Variants in SLC26A11 observed in about 807,000 individuals in gnomAD.
SLC26A11 encodes the protein sodium-independent sulfate anion transporter.
SLC26A11 carries 58 observed loss-of-function variants against 62.2 expected under a neutral mutation model. That is an observed-to-expected ratio of 0.93 (90% CI 0.76 to 1.16). The LOEUF is 1.16. Among genes scored for constraint, SLC26A11 ranks in the 50% most tolerant of loss-of-function variants. The probability of loss-of-function intolerance (pLI) is 0.00; values close to 1 mark genes in which losing one functional copy is unlikely to be tolerated. For missense variants in SLC26A11, 790 were observed against 794.3 expected (o/e 0.99, Z 0.06); for synonymous variants, 411 against 368.9 (o/e 1.11, Z -1.31).
chr17:80,238,811 G>GGTTTTTTTTTTTTTTTTTTT (rs1555629117), intron 9 of SLC26A11, among the ~76,000 whole-genome samples: 8 of 123,222 alleles, frequency 6.5e-5, no homozygotes, highest in African/African-American at 2.4e-4. Context: ...CTTCAAAGGA[G>GGTTTTTTTTTTTTTTTTTTT]TTTTTTTTGT....
chr17:80,252,125 A>G lies in SLC26A11; in HGVS notation c.1730-500A>G, dbSNP rs74000679. Among the ~76,000 whole-genome samples the G allele has an allele frequency of 0.065, 9,895 of 152,170 alleles. 788 individuals are homozygous for G. Among genetic ancestry groups the G allele is most frequent in the African/African-American group, 0.19 (7,951 of 41,448 alleles). The stretch of plus-strand genomic sequence containing the variant: ...GAGGTCTGAGCCGCAGCAGGTGTCA[A>G]CAAGAGGATGGGCCAGAGATGCAGA... On this transcript the variant is annotated intron_variant, in intron 17 of 17. Transcript: ENST00000361193. The surrounding 1 kb of genome is among the most constrained non-coding windows in gnomAD (Gnocchi z 5.2).
At position 80,237,614 on chromosome 17, in the gene SLC26A11, C is replaced by T. The variant is rs1009951467; in HGVS notation, c.985+20C>T. 2.5e-6 allele frequency: 4 copies of T among 1,606,356 alleles called. No homozygotes were observed. The highest frequency in any genetic ancestry group is 2.7e-5 in the African/African-American group (2 of 75,014). ...CCTTCGGTAAGACGCCTGTCACCCA[C>T]ACCCCAGGTCTCCCAGTGCGCCGGC... is the stretch of plus-strand genomic sequence containing the variant. On this transcript the variant is annotated intron_variant, in intron 9 of 17. Coordinates refer to ENST00000361193, the MANE Select transcript of SLC26A11 (RefSeq NM_001166347.2).
At chr17:80,247,336 G>C (rs376966588) in intron 13 of SLC26A11, among the ~76,000 whole-genome samples, 24 of 152,058 alleles carry the variant, frequency 1.6e-4, no homozygotes, top group Admixed American at 5.2e-4. Context: ...TCATCATGGC[G>C]CGTTCTCAAT....
Position 80,245,235 on chromosome 17 carries a change from CG to C in SLC26A11, c.1078del (p.Val360SerfsTer10), listed in dbSNP as rs761901436. ...NMLGSLVSSY[P>X]VTGSFGRTAV... Reference sequence around the variant, plus strand: ...TTGGGCTCCCTCGTCTCCTCCTACCCGGTCACAGGCAGCTTTGGACGGTGAG... The same window carrying C: ...TTGGGCTCCCTCGTCTCCTCCTACCCGTCACAGGCAGCTTTGGACGGTGAG... On this transcript the variant is annotated frameshift_variant, in exon 11 of 18. Coordinates refer to ENST00000361193, the MANE Select transcript of SLC26A11 (RefSeq NM_001166347.2). LOFTEE classifies it high-confidence loss of function. The C allele has an allele frequency of 6.2e-7, 1 of 1,613,936 alleles. No individual in the cohort carries two copies. Among genetic ancestry groups the C allele is most frequent in the East Asian group, 2.2e-5 (1 of 44,850 alleles).
chr17:80,242,317 A>G (rs1444150578), intron 10 of SLC26A11, among the ~76,000 whole-genome samples: 8 of 152,072 alleles, frequency 5.3e-5, no homozygotes, highest in African/African-American at 1.4e-4. Flanking sequence ...AGACCTCCAC[A>G]CTGCTCAGTT....
Position 80,246,157 on chromosome 17 carries a change from A to G in SLC26A11, c.1101A>G (p.Thr367=), listed in dbSNP as rs1567965126. 2.5e-6 allele frequency: 4 copies of G among 1,613,148 alleles called. No individual in the cohort carries two copies. Among genetic ancestry groups the G allele is most frequent in the Non-Finnish European group, 3.4e-6 (4 of 1,179,978 alleles). ...SYPVTGSFGR[T]AVNAQSGVCT... Reference sequence around the variant, plus strand: ...CGGTCTCTGTGTTGCCTTCCAGGACAGCCGTGAACGCTCAGTCGGGGGTGT... The same window carrying G: ...CGGTCTCTGTGTTGCCTTCCAGGACGGCCGTGAACGCTCAGTCGGGGGTGT... The change falls in exon 12 of 18, where the codon ACA becomes ACG. Residue 367 remains threonine (T), a synonymous_variant. Coordinates refer to ENST00000361193, the MANE Select transcript of SLC26A11 (RefSeq NM_001166347.2). This position sits in a 1 kb window ranked among gnomAD's most constrained non-coding sequence, Gnocchi z 4.4.
intron 7 of SLC26A11, among the ~76,000 whole-genome samples, chr17:80,236,469 A>AT (rs2042694053): frequency 6.6e-6 from 1 of 152,194 alleles, no homozygotes; most frequent in East Asian, 1.9e-4. Context: ...GGGCAGTGAT[A>AT]GACTCACCTC....
At chr17:80,237,130 C>T (rs372121146) in intron 8 of SLC26A11, 27 bp downstream of exon 8, 116 of 1,598,486 alleles carry the variant, frequency 7.3e-5, no homozygotes, top group Middle Eastern at 1.7e-4. Flanking sequence ...GGCAGGATGG[C>T]GTGGCTGAGG....
rs1356238627 is a variant in SLC26A11 at position 80,225,886 on chromosome 17, A to T, written c.563A>T (p.Tyr188Phe). 6.2e-7 allele frequency: 1 copy of T among 1,613,940 alleles called. No homozygotes were observed. The highest frequency in any genetic ancestry group is 1.7e-5 in the Admixed American group (1 of 59,998). ...NIPRPFFLQVYHTFLRIAETR... is the reference protein window; with the variant it reads ...NIPRPFFLQVFHTFLRIAETR... ...CCCAGGCCGTTCTTCCTGCAGGTGT[A>T]CCACACCTTCCTCAGGATTGCAGAG... Residue 188 changes from tyrosine (Y) to phenylalanine (F), a missense_variant, in exon 6 of 18, where the codon TAC becomes TTC. By Grantham distance (22) the Tyr-to-Phe change is conservative. Coordinates refer to ENST00000361193, the MANE Select transcript of SLC26A11 (RefSeq NM_001166347.2).
rs964640293 is a variant in SLC26A11, at chr17:80,247,648, G to A, written c.1295-482G>A. On this transcript the variant is annotated intron_variant, in intron 13 of 17. Transcript: ENST00000361193. ...TGGGGCTTTAGAACAGCCCTGAAACGTGTTCATGTGCCGGCGTGGAATGGG... is the reference window on the plus strand; with the variant it reads ...TGGGGCTTTAGAACAGCCCTGAAACATGTTCATGTGCCGGCGTGGAATGGG... Among the ~76,000 whole-genome samples, 5 of 152,204 alleles carry A rather than the reference G, an allele frequency of 3.3e-5. 1 individual carries two copies. The highest frequency in any genetic ancestry group is 2.6e-4 in the Admixed American group (4 of 15,284).
intron 5 of SLC26A11, among the ~76,000 whole-genome samples, chr17:80,224,422 TGAGAGTGGGTGTGG>T (rs2042339064): frequency 7.5e-6 from 1 of 132,838 alleles, no homozygotes; most frequent in African/African-American, 2.8e-5. Flanking sequence ...TGTGAGTGAG[TGAGAGTGGGTGTGG>T]GTGTGAGAGT....
At chr17:80,227,622 T>C (rs894807791) in intron 6 of SLC26A11, among the ~76,000 whole-genome samples, 196 bp from the exon 7 acceptor site, 1 of 152,258 alleles carries the variant, frequency 6.6e-6, no homozygotes, top group Non-Finnish European at 1.5e-5. Context: ...TTTAGTTAAG[T>C]GTCTGTGAAA....
chr17:80,242,168 G>A (rs2042882753), intron 10 of SLC26A11, among the ~76,000 whole-genome samples: 1 of 152,146 alleles, frequency 6.6e-6, no homozygotes, highest in South Asian at 2.1e-4. Context: ...GTAGAGACAG[G>A]GTTTCACCAT....
Position 80,252,000 on chromosome 17 carries a change from A to C in SLC26A11, c.1729+599A>C, listed in dbSNP as rs377573933. Among the ~76,000 whole-genome samples the C allele has an allele frequency of 1.8e-4, 27 of 152,238 alleles. No homozygotes were observed. The East Asian group carries it at 4.8e-3, about 27-fold the overall frequency. On this transcript the variant is annotated intron_variant, in intron 17 of 17. Coordinates refer to ENST00000361193, the MANE Select transcript of SLC26A11 (RefSeq NM_001166347.2). Reference sequence around the variant, plus strand: ...AAAGTCCACATCCCGGGGGATCAGGACAGAGCAGGGCCGGGTCAGGAGATC... The same window carrying C: ...AAAGTCCACATCCCGGGGGATCAGGCCAGAGCAGGGCCGGGTCAGGAGATC...
chr17:80,235,906 T>G (rs1458474029), intron 7 of SLC26A11, among the ~76,000 whole-genome samples: 1 of 152,214 alleles, frequency 6.6e-6, no homozygotes, highest in African/African-American at 2.4e-5. Flanking sequence ...ATTTTGTAAA[T>G]AAAGTTTTAT....
chr17:80,228,457 G>A lies in SLC26A11; in HGVS notation c.736+497G>A, dbSNP rs1420089101. Among the ~76,000 whole-genome samples the A allele has an allele frequency of 6.6e-6, 1 of 152,156 alleles. No individual in the cohort carries two copies. On this transcript the variant is annotated intron_variant, in intron 7 of 17. Coordinates refer to ENST00000361193, the MANE Select transcript of SLC26A11 (RefSeq NM_001166347.2). The surrounding 1 kb of genome is among the most constrained non-coding windows in gnomAD (Gnocchi z 4.1). The stretch of plus-strand genomic sequence containing the variant: ...CAAACTCTAGAACATTTAAAACTCT[G>A]AGCCAAACTCGGTGGGTTCTGATGC...
At chr17:80,249,619 G>A (rs1001086946) in intron 16 of SLC26A11, among the ~76,000 whole-genome samples, 1 of 152,186 alleles carries the variant, frequency 6.6e-6, no homozygotes, top group Admixed American at 6.5e-5. Flanking sequence ...AAAAGAGACA[G>A]GTGAGGCTAG....
intron 16 of SLC26A11, 139 bp downstream of exon 16, chr17:80,249,426 A>C: frequency 8.1e-7 from 1 of 1,230,430 alleles, no homozygotes; most frequent in Non-Finnish European, 1.1e-6. Context: ...CTTCTGATTT[A>C]AACAGTTCTT....
chr17:80,244,599 T>C (rs1471485703), intron 10 of SLC26A11, among the ~76,000 whole-genome samples: 1 of 152,122 alleles, frequency 6.6e-6, no homozygotes, highest in African/African-American at 2.4e-5. Flanking sequence ...CCCAGCACTT[T>C]GGGAGGCTGA....
Sources: allele counts gnomAD v4.1 joint callset (sites outside exome capture counted in the v4.1 genomes callset), GRCh38; gene constraint gnomAD v4.1.1; non-coding constraint Gnocchi (gnomAD v3.1); transcripts MANE v1.5; gene names NCBI Gene and HGNC (gene_info 2026-07-23, HGNC 2026-07-21).